The following DGLUCY variants were observed in gnomAD, a reference collection of about 807,000 sequenced individuals.
The protein encoded by DGLUCY is D-glutamate cyclase, mitochondrial.
A neutral mutation model predicts 58.5 loss-of-function variants in DGLUCY; 58 were observed. The ratio of observed to expected loss-of-function variants is 0.99; its 90% CI spans 0.80 to 1.23. The LOEUF (loss-of-function observed/expected upper bound fraction) is 1.23, where lower values mean the gene tolerates loss of function less well. Among genes scored for constraint, DGLUCY ranks in the 50% most tolerant of loss-of-function variants. The pLI, the probability that DGLUCY is intolerant of heterozygous loss-of-function variation, is 0.00. For synonymous variants in DGLUCY, 325 were observed against 314.1 expected, an observed-to-expected ratio of 1.03 and a Z score of -0.37; for missense variants, 779 against 784.7, an observed-to-expected ratio of 0.99 and a Z score of 0.09.
chr14:91,151,827 G>C (rs1469992388), intron 1 of DGLUCY, among the ~76,000 whole-genome samples: 2 of 151,386 alleles, frequency 1.3e-5, no homozygotes, highest in East Asian at 4.0e-4. Context: ...GCTAATTTTT[G>C]TATTTTTAGT....
intron 1 of DGLUCY, among the ~76,000 whole-genome samples, chr14:91,127,053 CTTTTTTT>C (rs11407228): frequency 3.0e-5 from 3 of 98,372 alleles, no homozygotes; most frequent in Non-Finnish European, 5.7e-5. Context: ...TGATGATACT[CTTTTTTT>C]TTTTTTTTTT....
chr14:91,068,079 GCACACACACACACA>G (rs57428509), intron 1 of DGLUCY, among the ~76,000 whole-genome samples: 9 of 146,436 alleles, frequency 6.1e-5, no homozygotes, highest in African/African-American at 1.3e-4. Flanking sequence ...ACACGCGCAC[GCACACACACACACA>G]CACACACACA....
At chr14:91,198,721 C>T (rs1457395913) in intron 10 of DGLUCY, among the ~76,000 whole-genome samples, 1 of 152,170 alleles carries the variant, frequency 6.6e-6, no homozygotes, top group Non-Finnish European at 1.5e-5. Flanking sequence ...CTGTAACCAA[C>T]ACTGACTGAG....
At chr14:91,177,775 C>T (rs924457736) in intron 7 of DGLUCY, among the ~76,000 whole-genome samples, 2 of 152,224 alleles carry the variant, frequency 1.3e-5, no homozygotes, top group South Asian at 2.1e-4. Context: ...GGTGATGAGG[C>T]GTGGCTGCCA....
chr14:91,088,783 T>G (rs991663364), intron 1 of DGLUCY, among the ~76,000 whole-genome samples: 7 of 152,112 alleles, frequency 4.6e-5, no homozygotes, highest in Non-Finnish European at 8.8e-5. Context: ...ATACCCAGAG[T>G]CACCCCCAGG....
chr14:91,204,837 G>T lies in DGLUCY; in HGVS notation c.1564+12G>T, dbSNP rs144450259. 4,872 of 1,613,924 alleles carry T rather than the reference G, an allele frequency of 3.0e-3. 11 individuals are homozygous for T. The highest frequency in any genetic ancestry group is 3.7e-3 in the Non-Finnish European group (4,373 of 1,179,900). On this transcript the variant is annotated intron_variant, in intron 12 of 13. Coordinates refer to ENST00000256324, the MANE Select transcript of DGLUCY (RefSeq NM_001102368.3). ...TGCCGTCATTGCTGGTGAGCACTCG[G>T]ATGGCCGCCCAGTCCGGCCGGCTAC...
rs907429629 is a variant in DGLUCY at position 91,217,115 on chromosome 14, G to A, written c.1716+1559G>A. 3.9e-5 allele frequency among the ~76,000 whole-genome samples: 6 copies of A among 152,182 alleles called. 1 individual carries two copies. The highest frequency in any genetic ancestry group is 4.1e-4 in the South Asian group (2 of 4,828). ...GGAGAAGCTGGTGGACCAGACTTGC[G>A]GGACATTCACAATGCCTCAGTGCTT... On this transcript the variant is annotated intron_variant, in intron 13 of 13. Transcript: ENST00000256324.
At chr14:91,159,282 A>G (rs1183922519) in intron 2 of DGLUCY, among the ~76,000 whole-genome samples, 1 of 152,082 alleles carries the variant, frequency 6.6e-6, no homozygotes, top group African/African-American at 2.4e-5. Flanking sequence ...CCTCGCCTCT[A>G]CTAAAAATAC....
intron 13 of DGLUCY, 146 bp from the exon 14 acceptor site, chr14:91,224,537 TG>T: frequency 1.4e-6 from 1 of 713,308 alleles, no homozygotes; most frequent in Non-Finnish European, 2.1e-6. Context: ...ACTTTTCCAA[TG>T]GTATTAGTAC....
At chr14:91,213,919 C>T in intron 12 of DGLUCY, among the ~76,000 whole-genome samples, 1 of 152,060 alleles carries the variant, frequency 6.6e-6, no homozygotes, top group Non-Finnish European at 1.5e-5. Context: ...AGGCTGGTCT[C>T]GAACTCCTAA....
rs553896733 is a variant in DGLUCY at position 91,190,383 on chromosome 14, A to G, written c.1195+1213A>G. Among the ~76,000 whole-genome samples, 11 of 152,276 alleles carry G rather than the reference A, an allele frequency of 7.2e-5. No homozygotes were observed. The East Asian group carries it at 1.9e-3, about 27-fold the overall frequency. On this transcript the variant is annotated intron_variant, in intron 9 of 13. Coordinates refer to ENST00000256324, the MANE Select transcript of DGLUCY (RefSeq NM_001102368.3). ...AGTGGAGTGTGACAGACAAGAAACA[A>G]CTTGTAAGATGAATGCACAGTGTGT...
chr14:91,140,469 C>G (rs1325257122), intron 1 of DGLUCY, among the ~76,000 whole-genome samples: 5 of 152,242 alleles, frequency 3.3e-5, no homozygotes, highest in African/African-American at 1.2e-4. Context: ...GTCAGGAGTT[C>G]AAGAGCAGCC....
intron 1 of DGLUCY, among the ~76,000 whole-genome samples, chr14:91,136,691 A>AG (rs775760050): frequency 6.6e-6 from 1 of 151,710 alleles, no homozygotes; most frequent in Non-Finnish European, 1.5e-5. Flanking sequence ...TCAAAAAAAA[A>AG]GGCACGGTGG....
chr14:91,126,270 CCTTCCTTG>C (rs1378612266), intron 1 of DGLUCY, among the ~76,000 whole-genome samples: 1 of 152,104 alleles, frequency 6.6e-6, no homozygotes. Context: ...AGGGAATGAT[CCTTCCTTG>C]CCTCTTGCAG....
intron 1 of DGLUCY, among the ~76,000 whole-genome samples, chr14:91,130,976 C>G (rs578012620): frequency 2.6e-5 from 4 of 151,738 alleles, no homozygotes; most frequent in African/African-American, 7.3e-5. Context: ...GTGACAGGGT[C>G]TCGCTTTGTT....
chr14:91,160,394 G>A lies in DGLUCY; in HGVS notation c.100G>A (p.Gly34Arg), dbSNP rs1344989594. The change falls in exon 3 of 14, where the codon GGA becomes AGA. Residue 34 changes from glycine to arginine, a missense_variant. Coordinates refer to ENST00000256324, the MANE Select transcript of DGLUCY (RefSeq NM_001102368.3). ...PNIRNTSSMA[G>R]ELRPASLVVL... Reference sequence around the variant, plus strand: ...CATCAGAAATACATCCAGCATGGCTGGAGGTAAGTGGTGCCAGATAGTTAA... The same window carrying A: ...CATCAGAAATACATCCAGCATGGCTAGAGGTAAGTGGTGCCAGATAGTTAA... 2 of 1,431,466 alleles carry A rather than the reference G, an allele frequency of 1.4e-6. No homozygotes were observed. The highest frequency in any genetic ancestry group is 1.8e-4 in the Middle Eastern group (1 of 5,612). 88.7% of individuals were successfully genotyped at this position (1,431,466 alleles called of 1,614,324 possible).
intron 3 of DGLUCY, 58 bp from the exon 4 acceptor site, chr14:91,167,167 T>G: frequency 6.7e-7 from 1 of 1,502,840 alleles, no homozygotes; most frequent in Non-Finnish European, 8.9e-7. Flanking sequence ...AGAAAATCAG[T>G]AAGTGTCTGC....
chr14:91,196,542 A>T, intron 10 of DGLUCY, 68 bp downstream of exon 10: 1 of 1,328,976 alleles, frequency 7.5e-7, no homozygotes, highest in Non-Finnish European at 1.1e-6. Context: ...CACTTAGCCA[A>T]CAAAGTGTCT....
intron 9 of DGLUCY, among the ~76,000 whole-genome samples, chr14:91,194,653 G>A (rs1331570463): frequency 2.0e-5 from 3 of 151,522 alleles, no homozygotes; most frequent in South Asian, 4.2e-4. Context: ...TGATTCTCCT[G>A]CCTCAGCCTC....
Sources: allele counts gnomAD v4.1 joint callset (sites outside exome capture counted in the v4.1 genomes callset), GRCh38; gene constraint gnomAD v4.1.1; transcripts MANE v1.5; gene names NCBI Gene and HGNC (gene_info 2026-07-23, HGNC 2026-07-21).